The following CCDC110 variants were observed in gnomAD, a reference collection of about 807,000 sequenced individuals.
The protein encoded by CCDC110 is coiled-coil domain-containing protein 110.
A neutral mutation model predicts 77.1 loss-of-function variants in CCDC110; 70 were observed. The ratio of observed to expected loss-of-function variants is 0.91; its 90% confidence interval spans 0.75 to 1.11. The LOEUF (loss-of-function observed/expected upper bound fraction) is 1.11. Ranked by LOEUF, CCDC110 falls within the 50% of genes least tolerant of loss-of-function variation. CCDC110 has a pLI of 0.00. For missense variants in CCDC110, 868 were observed against 942.9 expected, an observed-to-expected ratio of 0.92 and a Z score of 1.04; for synonymous variants, 295 against 312.5, an observed-to-expected ratio of 0.94 and a Z score of 0.59.
intron 6 of CCDC110, among the ~76,000 whole-genome samples, chr4:185,451,675 TATAA>T (rs1580169869): frequency 6.6e-6 from 1 of 152,332 alleles, no homozygotes; most frequent in South Asian, 2.1e-4. Flanking sequence ...AAAAAAGCCT[TATAA>T]ATATTCTTAG....
intron 6 of CCDC110, among the ~76,000 whole-genome samples, chr4:185,453,403 CCATTCCATGTG>C (rs1300769873): frequency 1.6e-4 from 24 of 152,292 alleles, no homozygotes; most frequent in Middle Eastern, 3.4e-3. Flanking sequence ...GTGCCAGATA[CCATTCCATGTG>C]CATTCCATAT....
At chr4:185,461,477 A>T (rs898295141) in intron 4 of CCDC110, among the ~76,000 whole-genome samples, 1 of 152,182 alleles carries the variant, frequency 6.6e-6, no homozygotes, top group African/African-American at 2.4e-5. Flanking sequence ...CCCCCTTAGG[A>T]GGAGTTATCT....
intron 6 of CCDC110, among the ~76,000 whole-genome samples, chr4:185,456,523 A>T (rs968517615): frequency 6.6e-6 from 1 of 152,182 alleles, no homozygotes; most frequent in Non-Finnish European, 1.5e-5. Flanking sequence ...AATAATAAAG[A>T]AAAAAGAATC....
intron 6 of CCDC110, chr4:185,457,821 G>GAAAA: frequency 8.0e-7 from 1 of 1,247,072 alleles, no homozygotes; most frequent in South Asian, 1.6e-5. Context: ...AATTCCTAGG[G>GAAAA]AAAAAAAAAA....
chr4:185,464,182 C>G (rs1268604061), intron 2 of CCDC110, among the ~76,000 whole-genome samples: 1 of 152,036 alleles, frequency 6.6e-6, no homozygotes, highest in Non-Finnish European at 1.5e-5. Context: ...TAATTTCTGC[C>G]CTAAGTTTTA....
Position 185,471,720 on chromosome 4 carries a change from G to A in CCDC110, c.-37C>T. ...ATCTCTCTCGCAACCGCCGCCGCAC[G>A]CACCCGCTCCGCCGCCCCGCGCAGG... On this transcript the variant is annotated 5_prime_UTR_variant, in exon 1 of 7. Transcript: ENST00000307588. 6.6e-7 allele frequency: 1 copy of A among 1,522,358 alleles called. No individual in the cohort carries two copies. Among genetic ancestry groups the A allele is most frequent in the South Asian group, 1.2e-5 (1 of 80,022 alleles). The allele number at this position is 1,522,358 out of a possible 1,614,324, so 94.3% of individuals were successfully genotyped here.
chr4:185,471,435 C>A, intron 1 of CCDC110: 2 of 402,552 alleles, frequency 5.0e-6, no homozygotes, highest in South Asian at 8.2e-5. Flanking sequence ...AGCGGCCACC[C>A]GAGGGCGCGC....
rs11737048 is a variant in CCDC110 at position 185,445,461 on chromosome 4, G to A, written c.*41C>T. ...TCAGTTAGCAGTACAATTAACATTG[G>A]CTATTTCTCGAAGGGAGTTTCTTAG... is the stretch of plus-strand genomic sequence containing the variant. On this transcript the variant is annotated 3_prime_UTR_variant, in exon 7 of 7. Transcript: ENST00000307588. 4.3e-6 allele frequency: 6 copies of A among 1,388,082 alleles called. No homozygotes were observed. In the African/African-American group the frequency reaches 5.8e-5, roughly 13 times the overall value. The allele number at this position is 1,388,082 out of a possible 1,614,324, so 86.0% of individuals were successfully genotyped here.
intron 6 of CCDC110, chr4:185,449,616 A>G: frequency 1.3e-6 from 2 of 1,545,302 alleles, no homozygotes; most frequent in Non-Finnish European, 1.7e-6. Flanking sequence ...TCAAAGAACT[A>G]CAAGACTTCT....
In CCDC110 at chr4:185,455,864, A is replaced by G. The variant is rs1331511959; in HGVS notation, c.2461+2262T>C. ...TTCCATTGCACTCCAGCCCGGGCTGACAACAGTGAGACTCCATCTCAAAAA... is the reference window on the plus strand; with the variant it reads ...TTCCATTGCACTCCAGCCCGGGCTGGCAACAGTGAGACTCCATCTCAAAAA... On this transcript the variant is annotated intron_variant, in intron 6 of 6. Coordinates refer to ENST00000307588, the MANE Select transcript of CCDC110 (RefSeq NM_152775.4). Among the ~76,000 whole-genome samples the G allele has an allele frequency of 2.0e-5, 3 of 151,424 alleles. No individual in the cohort carries two copies. In the East Asian group the frequency reaches 5.8e-4, roughly 29 times the overall value.
chr4:185,470,612 G>C (rs2095664216), intron 2 of CCDC110: 7 of 489,208 alleles, frequency 1.4e-5, no homozygotes, highest in South Asian at 1.1e-4. Flanking sequence ...AGCGTAGCGT[G>C]GTGGTGAAGA....
chr4:185,465,344 A>G (rs1247439012), intron 2 of CCDC110, among the ~76,000 whole-genome samples: 2 of 152,256 alleles, frequency 1.3e-5, no homozygotes, highest in Non-Finnish European at 2.9e-5. Flanking sequence ...TGAGACCAAA[A>G]GAAATGTACA....
intron 5 of CCDC110, 58 bp from the exon 6 acceptor site, chr4:185,460,296 T>A: frequency 1.5e-6 from 2 of 1,301,744 alleles, no homozygotes; most frequent in Non-Finnish European, 2.1e-6. Flanking sequence ...GATAAAGCAG[T>A]ACAGATAATA....
chr4:185,457,906 G>A, intron 6 of CCDC110: 1 of 737,222 alleles, frequency 1.4e-6, no homozygotes, highest in Non-Finnish European at 2.0e-6. Flanking sequence ...TGCCAAACTT[G>A]GTTTGTACAC....
chr4:185,457,116 C>T, intron 6 of CCDC110: 1 of 358,918 alleles, frequency 2.8e-6, no homozygotes, highest in Non-Finnish European at 5.5e-6. Flanking sequence ...TCAAAATTAA[C>T]ATAATTTACC....
Position 185,445,226 on chromosome 4 carries a change from T to C in CCDC110, c.*276A>G. 8.6e-7 allele frequency: 1 copy of C among 1,159,242 alleles called. No homozygotes were observed. Among genetic ancestry groups the C allele is most frequent in the Non-Finnish European group, 1.2e-6 (1 of 829,788 alleles). The allele number at this position is 1,159,242 out of a possible 1,614,324, so 71.8% of individuals were successfully genotyped here. On this transcript the variant is annotated 3_prime_UTR_variant, in exon 7 of 7. Transcript: ENST00000307588. Reference sequence around the variant, plus strand: ...AGTATCTTTTATTTATATATACTTTTTTAAATGACAAATGTGGGTGACTTT... The same window carrying C: ...AGTATCTTTTATTTATATATACTTTCTTAAATGACAAATGTGGGTGACTTT...
rs751983736 is a variant in CCDC110, at chr4:185,460,217, TTTC to T, written c.367_369del (p.Glu123del). 5.6e-5 allele frequency: 90 copies of T among 1,604,122 alleles called. No individual in the cohort carries two copies. Among genetic ancestry groups the T allele is most frequent in the Non-Finnish European group, 7.4e-5 (87 of 1,178,740 alleles). Reference sequence around the variant, plus strand: ...TGATGACTTTTCTCCATAGAAAGGTTTTCTTCTTGATTCTCTGTAGGCTGTAAC... The same window carrying T: ...TGATGACTTTTCTCCATAGAAAGGTTTTCTTGATTCTCTGTAGGCTGTAAC... On this transcript the variant is annotated inframe_deletion, in exon 6 of 7. Coordinates refer to ENST00000307588, the MANE Select transcript of CCDC110 (RefSeq NM_152775.4).
At chr4:185,469,434 A>T (rs983870201) in intron 2 of CCDC110, among the ~76,000 whole-genome samples, 1 of 152,168 alleles carries the variant, frequency 6.6e-6, no homozygotes, top group African/African-American at 2.4e-5. Context: ...ATTTTCTATA[A>T]ATGTTGGCAT....
intron 2 of CCDC110, among the ~76,000 whole-genome samples, chr4:185,467,090 G>A (rs2095657635): frequency 1.3e-5 from 2 of 152,172 alleles, no homozygotes; most frequent in Non-Finnish European, 2.9e-5. Flanking sequence ...TTGAGAACAG[G>A]AGGAGTGAAA....
Sources: allele counts gnomAD v4.1 joint callset (sites outside exome capture counted in the v4.1 genomes callset), GRCh38; gene constraint gnomAD v4.1.1; transcripts MANE v1.5; gene names NCBI Gene and HGNC (gene_info 2026-07-23, HGNC 2026-07-21).